Variants in CSMD1 observed in about 807,000 individuals in gnomAD.
CSMD1 encodes the protein CUB and sushi domain-containing protein 1.
A neutral mutation model predicts 417.5 loss-of-function variants in CSMD1; 213 were observed. That is an observed-to-expected ratio of 0.51 (90% CI 0.46 to 0.57). The LOEUF (loss-of-function observed/expected upper bound fraction) is 0.57, where lower values mean the gene tolerates loss of function less well. Among genes scored for constraint, CSMD1 ranks in the 20% least tolerant of loss-of-function variants. The pLI is 0.00. For synonymous variants in CSMD1, 2,862 were observed against 1,736.8 expected (o/e 1.65, Z -16.11); for missense variants, 6,923 against 4,529.7 (o/e 1.53, Z -15.17).
At chr8:3,658,492 G>C (rs899351812) in intron 7 of CSMD1, among the ~76,000 whole-genome samples, 22 of 118,978 alleles carry the variant, frequency 1.8e-4, no homozygotes, top group African/African-American at 5.8e-4. Flanking sequence ...TTAATTTAAA[G>C]CTTTCCTTGG....
chr8:4,219,311 C>T (rs1800877846), intron 3 of CSMD1, among the ~76,000 whole-genome samples: 1 of 152,178 alleles, frequency 6.6e-6, no homozygotes, highest in Non-Finnish European at 1.5e-5. Context: ...TTTCTTCTCT[C>T]TCAGTAATTT....
At chr8:3,076,012 C>T (rs886886918) in intron 49 of CSMD1, among the ~76,000 whole-genome samples, 3 of 150,854 alleles carry the variant, frequency 2.0e-5, no homozygotes, top group Non-Finnish European at 4.4e-5. Context: ...GATCGCGCCA[C>T]TGCACTCTAG....
intron 47 of CSMD1, among the ~76,000 whole-genome samples, chr8:3,092,789 G>A (rs370657739): frequency 2.0e-5 from 3 of 152,086 alleles, no homozygotes; most frequent in Admixed American, 6.5e-5. Flanking sequence ...TGCCAACAAC[G>A]CTACTCTGTA....
intron 12 of CSMD1, among the ~76,000 whole-genome samples, chr8:3,412,791 G>A (rs1812894827): frequency 1.3e-5 from 2 of 152,198 alleles, no homozygotes; most frequent in Non-Finnish European, 1.5e-5. Context: ...GAACAGAGAT[G>A]GGAATGGATT....
At chr8:3,534,894 G>C (rs531454786) in intron 10 of CSMD1, among the ~76,000 whole-genome samples, 3 of 152,148 alleles carry the variant, frequency 2.0e-5, no homozygotes, top group Non-Finnish European at 4.4e-5. Flanking sequence ...GGTACAAATG[G>C]TTTAGTCCAG....
chr8:4,401,060 C>A (rs1289319933), intron 3 of CSMD1, among the ~76,000 whole-genome samples: 1 of 152,024 alleles, frequency 6.6e-6, no homozygotes, highest in Non-Finnish European at 1.5e-5. Context: ...ATATGATATA[C>A]TTGATTTTAA....
Position 4,953,500 on chromosome 8 carries a change from C to T in CSMD1, c.85+40832G>A, listed in dbSNP as rs376210773. Among the ~76,000 whole-genome samples the T allele has an allele frequency of 2.6e-5, 4 of 152,072 alleles. No homozygotes were observed. The South Asian group carries it at 8.3e-4, about 32-fold the overall frequency. On this transcript the variant is annotated intron_variant, in intron 1 of 69. Coordinates refer to ENST00000635120, the MANE Select transcript of CSMD1 (RefSeq NM_033225.6). ...CATTTCTGGATGAACCCAACATCGT[C>T]CACGGTGGCAAGTTATGTAACTTGA... is the stretch of plus-strand genomic sequence containing the variant.
chr8:4,575,287 T>G (rs1454893258), intron 2 of CSMD1, among the ~76,000 whole-genome samples: 1 of 152,206 alleles, frequency 6.6e-6, no homozygotes, highest in African/African-American at 2.4e-5. Flanking sequence ...CATATATGAT[T>G]GGTGTCCCTG....
chr8:4,569,388 T>G lies in CSMD1; in HGVS notation c.302+67954A>C, dbSNP rs149574298. 4.2e-3 allele frequency among the ~76,000 whole-genome samples: 647 copies of G among 152,304 alleles called. 3 individuals are homozygous for G. The highest frequency in any genetic ancestry group is 0.015 in the African/African-American group (624 of 41,568). ...GCTAGTCAGCTTTCCCAACACCATG[T>G]ATTAAATAGGAAATCCTTTCCCCAT... On this transcript the variant is annotated intron_variant, in intron 2 of 69. Transcript: ENST00000635120.
At chr8:4,560,470 T>C (rs1390310929) in intron 2 of CSMD1, among the ~76,000 whole-genome samples, 1 of 152,200 alleles carries the variant, frequency 6.6e-6, no homozygotes, top group African/African-American at 2.4e-5. Context: ...CAAATGTATT[T>C]TAGTAACCTA....
At chr8:3,386,800 G>C (rs1811029362) in intron 18 of CSMD1, among the ~76,000 whole-genome samples, 1 of 152,072 alleles carries the variant, frequency 6.6e-6, no homozygotes, top group Admixed American at 6.6e-5. Flanking sequence ...ATGTTATACT[G>C]GGGTTATATT....
chr8:3,313,353 T>C (rs1238559208), intron 23 of CSMD1, among the ~76,000 whole-genome samples: 1 of 151,796 alleles, frequency 6.6e-6, no homozygotes, highest in African/African-American at 2.4e-5. Flanking sequence ...AGGGAGAAAA[T>C]TTTTGCAATC....
intron 21 of CSMD1, among the ~76,000 whole-genome samples, chr8:3,355,199 T>TA (rs140877636): frequency 0.022 from 3,319 of 152,132 alleles, 114 homozygotes; most frequent in African/African-American, 0.075. Flanking sequence ...ATTCATTTTT[T>TA]AAAAAAATCT....
chr8:3,097,087 CTGCAAT>C (rs1446794145), intron 46 of CSMD1, 50 bp from the exon 47 acceptor site: 4 of 1,372,270 alleles, frequency 2.9e-6, no homozygotes, highest in Non-Finnish European at 3.9e-6. Context: ...ATGATTCCAA[CTGCAAT>C]AGGATAGTTT....
chr8:3,275,859 T>C (rs1802248591), intron 26 of CSMD1, among the ~76,000 whole-genome samples: 2 of 152,136 alleles, frequency 1.3e-5, no homozygotes, highest in Admixed American at 1.3e-4. Flanking sequence ...TTCAACTTCT[T>C]TGCCTTTGGT....
At chr8:3,765,806 A>C (rs1307282918) in intron 5 of CSMD1, among the ~76,000 whole-genome samples, 4 of 152,184 alleles carry the variant, frequency 2.6e-5, no homozygotes, top group Admixed American at 6.5e-5. Flanking sequence ...GGGTGGAGAC[A>C]GGTCTCAGGA....
intron 7 of CSMD1, among the ~76,000 whole-genome samples, chr8:3,669,606 AG>A (rs1265465807): frequency 6.6e-6 from 1 of 152,210 alleles, no homozygotes; most frequent in African/African-American, 2.4e-5. Flanking sequence ...AAATCACGAC[AG>A]GGAAGACAAG....
At position 3,412,503 on chromosome 8, in the gene CSMD1, T is replaced by C. The variant is rs149154349; in HGVS notation, c.1562-2898A>G. 2.6e-3 allele frequency among the ~76,000 whole-genome samples: 403 copies of C among 152,290 alleles called. 1 individual carries two copies. Among genetic ancestry groups the C allele is most frequent in the Middle Eastern group, 0.017 (5 of 294 alleles). On this transcript the variant is annotated intron_variant, in intron 12 of 69. Transcript: ENST00000635120. ...CTTTACTTCTAAGTGTCTGGGAATATCAAAGAAGTGAAGTTTGATACATTA... is the reference window on the plus strand; with the variant it reads ...CTTTACTTCTAAGTGTCTGGGAATACCAAAGAAGTGAAGTTTGATACATTA...
At chr8:4,059,567 G>A (rs1164882204) in intron 3 of CSMD1, among the ~76,000 whole-genome samples, 2 of 151,512 alleles carry the variant, frequency 1.3e-5, no homozygotes, top group Admixed American at 6.6e-5. Context: ...AAGAAAAAAA[G>A]AGAGAAGAAT....
Sources: gnomAD v4.1 joint callset for allele counts (sites outside exome capture counted in the v4.1 genomes callset) on GRCh38, gnomAD v4.1.1 for gene constraint, MANE v1.5 for transcripts, NCBI Gene and HGNC (gene_info 2026-07-23, HGNC 2026-07-21) for gene names.